INSRR: variants seen among roughly 807,000 people sequenced by gnomAD.
INSRR encodes the protein insulin receptor related receptor.
Under a neutral mutation model 130.0 loss-of-function variants are expected in INSRR, and 114 were observed. The observed-to-expected ratio is 0.88, with a 90% CI of 0.75 to 1.02. The LOEUF (loss-of-function observed/expected upper bound fraction) is 1.02, where lower values mean the gene tolerates loss of function less well. INSRR is among the 50% of genes least tolerant of loss of function. INSRR has a pLI of 0.00. For missense variants in INSRR, 1,657 were observed against 1,735.2 expected, an observed-to-expected ratio of 0.95 and a Z score of 0.80; for synonymous variants, 674 against 705.2, an observed-to-expected ratio of 0.96 and a Z score of 0.70.
intron 17 of INSRR, 105 bp downstream of exon 17, chr1:156,842,899 A>G (rs1336082008): frequency 1.6e-5 from 14 of 887,368 alleles, no homozygotes; most frequent in East Asian, 2.5e-5. Flanking sequence ...CATGGTCCCA[A>G]TCTTGACCTT....
rs368851308 is a variant in INSRR, at chr1:156,846,745, G to A, written c.1584C>T (p.Asn528=). Residue 528 remains asparagine (N), a synonymous_variant, in exon 8 of 22, where the codon AAC becomes AAT. Transcript: ENST00000368195. ...IVYYKESPFQ[N]ATEHVGPDAC... ...CATCTGGACCCACGTGCTCTGTGGC[G>A]TTCTGGAATGGGCTGAACACCCATC... is the stretch of plus-strand genomic sequence containing the variant. The A allele has an allele frequency of 4.1e-5, 66 of 1,613,818 alleles. No individual in the cohort carries two copies. In the East Asian group the frequency reaches 5.8e-4, roughly 14 times the overall value.
At chr1:156,842,342 C>A in intron 18 of INSRR, 56 bp downstream of exon 18, 1 of 1,612,870 alleles carries the variant, frequency 6.2e-7, no homozygotes, top group Non-Finnish European at 8.5e-7. Flanking sequence ...CTGGCCCCCA[C>A]CTCCCACACT....
In INSRR at chr1:156,844,222, C is replaced by A; in HGVS notation, c.2796G>T (p.Thr932=). The A allele has an allele frequency of 1.9e-6, 3 of 1,613,928 alleles. No individual in the cohort carries two copies. Among genetic ancestry groups the A allele is most frequent in the Non-Finnish European group, 2.5e-6 (3 of 1,179,962 alleles). Residue 932 remains threonine, a synonymous_variant, in exon 15 of 22, where the codon ACG becomes ACT. Transcript: ENST00000368195. The part of the protein sequence containing the change: ...VLLTATPVGL[T]LLIVLAALGF... ...CAAGGGCAGCAAGAACGATGAGCAG[C>A]GTGAGCCCCACAGGGGTGGCAGTGA...
intron 7 of INSRR, 49 bp from the exon 8 acceptor site, chr1:156,846,806 G>A (rs1336050078): frequency 6.8e-7 from 1 of 1,463,586 alleles, no homozygotes; most frequent in Non-Finnish European, 9.6e-7. Flanking sequence ...CCACCCTCAA[G>A]TTCTGGCACC....
chr1:156,858,428 T>C, intron 1 of INSRR, 109 bp downstream of exon 1: 1 of 812,872 alleles, frequency 1.2e-6, no homozygotes, highest in East Asian at 2.5e-5. Context: ...CCAACCCCCA[T>C]GTTCCAGTGC....
Position 156,845,392 on chromosome 1 carries a change from G to A in INSRR, c.2196C>T (p.Ser732=). 6.4e-7 allele frequency: 1 copy of A among 1,566,180 alleles called. No individual in the cohort carries two copies. Among genetic ancestry groups the A allele is most frequent in the Non-Finnish European group, 8.7e-7 (1 of 1,154,340 alleles). Residue 732 remains serine (S), a synonymous_variant, in exon 11 of 22, where the codon TCC becomes TCT. Transcript: ENST00000368195. ...TIPISPWKVT[S]INKSPQRDSG... ...CTCACCTTTGGGGGCTCTTGTTGAT[G>A]GACGTCACCTTCCAAGGGGATCTGG...
Position 156,854,091 on chromosome 1 carries a change from T to C in INSRR, c.298A>G (p.Asn100Asp). The change falls in exon 2 of 22, where the codon AAC becomes GAC. Residue 100 changes from asparagine to aspartate, a missense_variant. By Grantham distance (23) the Asn-to-Asp change is conservative. Transcript: ENST00000368195. This position sits in a 1 kb window ranked among gnomAD's most constrained non-coding sequence, Gnocchi z 4.2. ...GLESLRDLFP[N>D]LAVIRGTRLF... is the part of the protein sequence containing the mutation. ...CGCGTCCCGCGGATGACTGCTAGGT[T>C]GGGGAAGAGGTCGCGCAGGCTCTCC... 6.2e-7 allele frequency: 1 copy of C among 1,614,116 alleles called. No individual in the cohort carries two copies. The highest frequency in any genetic ancestry group is 8.5e-7 in the Non-Finnish European group (1 of 1,180,044).
rs1202371936 is a variant in INSRR, at chr1:156,852,182, C to A, written c.647G>T (p.Cys216Phe). 2 of 1,595,908 alleles carry A rather than the reference C, an allele frequency of 1.3e-6. No homozygotes were observed. Among genetic ancestry groups the A allele is most frequent in the Non-Finnish European group, 1.7e-6 (2 of 1,169,220 alleles). The change falls in exon 3 of 22, where the codon TGC becomes TTC. Residue 216 changes from cysteine to phenylalanine, a missense_variant. Transcript: ENST00000368195. ...CGCTGTGCAAGCCATCCCATGGGGG[C>A]AGGGGCACACTGTGGGGAGAGTGGT... ...TSSHCQRVCP[C>F]PHGMACTARG...
chr1:156,843,344 C>T, intron 16 of INSRR, 83 bp downstream of exon 16: 2 of 1,572,192 alleles, frequency 1.3e-6, no homozygotes, highest in South Asian at 2.2e-5. Flanking sequence ...CTATCTTCTG[C>T]AAGAAGGTCT....
Position 156,844,608 on chromosome 1 carries a change from C to G in INSRR, c.2591G>C (p.Cys864Ser), listed in dbSNP as rs1654922547. 2 of 1,614,162 alleles carry G rather than the reference C, an allele frequency of 1.2e-6. No individual in the cohort carries two copies. The highest frequency in any genetic ancestry group is 1.7e-6 in the Non-Finnish European group (2 of 1,180,014). The change falls in exon 14 of 22, where the codon TGT (cysteine) becomes TCT (serine). Residue 864 changes from cysteine to serine, a missense_variant. Cys to Ser is a moderately radical substitution (Grantham distance 112). Coordinates refer to ENST00000368195, the MANE Select transcript of INSRR (RefSeq NM_014215.3). ...RRLGEEATVL[C>S]VSRLRYAKFG... is the part of the protein sequence containing the mutation. ...CTTCGCATATCGAAGACGGGACACA[C>G]ACAGCACTGTGGCCTCCTGAGAGTA...
chr1:156,841,203 G>C (rs1240971943), intron 21 of INSRR, 99 bp from the exon 22 acceptor site: 2 of 1,053,376 alleles, frequency 1.9e-6, no homozygotes, highest in East Asian at 5.2e-5. Context: ...GGGGATCGTG[G>C]GCCATTATGC....
intron 1 of INSRR, among the ~76,000 whole-genome samples, chr1:156,855,918 C>G (rs960827016): frequency 6.7e-6 from 1 of 149,374 alleles, no homozygotes; most frequent in Non-Finnish European, 1.5e-5. Flanking sequence ...GACTAATGTG[C>G]GTGTGTGTGT....
Position 156,842,538 on chromosome 1 carries a change from C to A in INSRR, c.3127-30G>T, listed in dbSNP as rs370352633. ...GACAGACAAAGGGCCTAGCAGACCC[C>A]CTAGTTCCCCTTGACCCATTTGGCC... On this transcript the variant is annotated intron_variant, in intron 17 of 21. Coordinates refer to ENST00000368195, the MANE Select transcript of INSRR (RefSeq NM_014215.3). 145 of 1,574,100 alleles carry A rather than the reference C, an allele frequency of 9.2e-5. 4 individuals carry two copies. In the South Asian group the frequency reaches 1.6e-3, roughly 17 times the overall value.
Position 156,841,789 on chromosome 1 carries a change from C to A in INSRR, c.3403G>T (p.Gly1135Trp), listed in dbSNP as rs780240706. 1 of 1,614,148 alleles carries A rather than the reference C, an allele frequency of 6.2e-7. No individual in the cohort carries two copies. The highest frequency in any genetic ancestry group is 8.5e-7 in the Non-Finnish European group (1 of 1,180,002). The change falls in exon 20 of 22, where the codon GGG becomes TGG. Residue 1135 changes from glycine (G) to tryptophan (W), a missense_variant. Transcript: ENST00000368195. Reference protein sequence around the residue: ...QDFTVKIGDFGMTRDVYETDY... With the variant: ...QDFTVKIGDFWMTRDVYETDY... ...GTCTCATACACGTCCCGAGTCATCCCGAAGTCTGGAAAGTGAGGGTGAGGG... is the reference window on the plus strand; with the variant it reads ...GTCTCATACACGTCCCGAGTCATCCAGAAGTCTGGAAAGTGAGGGTGAGGG...
intron 19 of INSRR, 105 bp downstream of exon 19, chr1:156,842,007 G>T: frequency 6.3e-7 from 1 of 1,580,606 alleles, no homozygotes; most frequent in South Asian, 1.1e-5. Flanking sequence ...ACTTGCCAAG[G>T]GTCTCACAGG....
chr1:156,841,170 A>C lies in INSRR; in HGVS notation c.3663-66T>G, dbSNP rs1432816365. 7.1e-6 allele frequency: 9 copies of C among 1,266,868 alleles called. No homozygotes were observed. In the African/African-American group the frequency reaches 1.0e-4, roughly 15 times the overall value. 78.5% of individuals were successfully genotyped at this position (1,266,868 alleles called of 1,614,324 possible). On this transcript the variant is annotated intron_variant, in intron 21 of 21. Transcript: ENST00000368195. ...CCCTGCCACGCTCTCAGCCTCCTGC[A>C]CTGAGGGTCAGTTGGTGGGAGTGGG...
chr1:156,858,662 C>A lies in INSRR; in HGVS notation c.-41G>T, dbSNP rs12129392. Reference sequence around the variant, plus strand: ...TTGTGTCCAGTCCCGGCTCTCCTCCCGGTGACTCTGGGGAGAACGGTGTGA... The same window carrying A: ...TTGTGTCCAGTCCCGGCTCTCCTCCAGGTGACTCTGGGGAGAACGGTGTGA... On this transcript the variant is annotated 5_prime_UTR_variant, in exon 1 of 22. Coordinates refer to ENST00000368195, the MANE Select transcript of INSRR (RefSeq NM_014215.3). 45,732 of 1,561,802 alleles carry A rather than the reference C, an allele frequency of 0.029. 866 individuals carry two copies. Among genetic ancestry groups the A allele is most frequent in the African/African-American group, 0.075 (5,532 of 73,972 alleles).
At chr1:156,841,181 G>T in intron 21 of INSRR, 77 bp from the exon 22 acceptor site, 1 of 1,177,822 alleles carries the variant, frequency 8.5e-7, no homozygotes, top group Non-Finnish European at 1.2e-6. Flanking sequence ...CTGAGGGTCA[G>T]TTGGTGGGAG....
Position 156,849,390 on chromosome 1 carries a change from T to G in INSRR, c.1300A>C (p.Thr434Pro). 6.2e-7 allele frequency: 1 copy of G among 1,612,942 alleles called. No homozygotes were observed. The highest frequency in any genetic ancestry group is 8.5e-7 in the Non-Finnish European group (1 of 1,179,886). Residue 434 changes from threonine to proline, a missense_variant, in exon 6 of 22, where the codon ACC (threonine) becomes CCC (proline). Thr to Pro is a conservative substitution (Grantham distance 38). Transcript: ENST00000368195. ...QLGSWVAAGLTIPVGKIYFAF... is the reference protein window; with the variant it reads ...QLGSWVAAGLPIPVGKIYFAF... Reference sequence around the variant, plus strand: ...AAGTAGATCTTGCCCACGGGAATGGTGAGCCCCGCGGCCACCCAGGACCCT... The same window carrying G: ...AAGTAGATCTTGCCCACGGGAATGGGGAGCCCCGCGGCCACCCAGGACCCT...
Sources: allele counts gnomAD v4.1 joint callset (sites outside exome capture counted in the v4.1 genomes callset), GRCh38; gene constraint gnomAD v4.1.1; non-coding constraint Gnocchi (gnomAD v3.1); transcripts MANE v1.5; gene names NCBI Gene and HGNC (gene_info 2026-07-23, HGNC 2026-07-21).